Variants in ANTXR2 observed in about 807,000 individuals in gnomAD.
The protein encoded by ANTXR2 is anthrax toxin receptor 2.
In ANTXR2, 44 loss-of-function variants were observed where a neutral mutation model predicts 73.7. That is an observed-to-expected ratio of 0.60 (90% CI 0.47 to 0.77). ANTXR2 has a LOEUF of 0.77. Ranked by LOEUF, ANTXR2 falls within the 30% of genes least tolerant of loss-of-function variation. The probability of loss-of-function intolerance (pLI) is 0.00; values close to 1 mark genes in which losing one functional copy is unlikely to be tolerated. For missense variants in ANTXR2, 604 were observed against 592.5 expected (o/e 1.02, Z -0.20); for synonymous variants, 217 against 205.9 (o/e 1.05, Z -0.46).
At chr4:79,972,945 G>A (rs1339070108) in intron 16 of ANTXR2, among the ~76,000 whole-genome samples, 1 of 119,580 alleles carries the variant, frequency 8.4e-6, no homozygotes, top group East Asian at 2.1e-4. Context: ...AAAAAGAATA[G>A]GGCGTCCGAA....
intron 16 of ANTXR2, among the ~76,000 whole-genome samples, chr4:79,927,122 G>A (rs775890463): frequency 5.3e-5 from 8 of 150,410 alleles, no homozygotes; most frequent in African/African-American, 1.5e-4. Flanking sequence ...TGGCATTTAC[G>A]ACAACAGATG....
intron 10 of ANTXR2, among the ~76,000 whole-genome samples, chr4:80,031,228 A>G (rs1477680974): frequency 1.3e-5 from 2 of 151,890 alleles, no homozygotes; most frequent in Admixed American, 6.6e-5. Flanking sequence ...TACTATAGTA[A>G]TTATTGAAAA....
intron 7 of ANTXR2, 63 bp from the exon 8 acceptor site, chr4:80,036,095 T>C (rs1732945652): frequency 3.8e-6 from 5 of 1,324,610 alleles, no homozygotes; most frequent in Non-Finnish European, 4.1e-6. Context: ...GTGAAGTAAA[T>C]TATAAGATTA....
intron 16 of ANTXR2, among the ~76,000 whole-genome samples, chr4:79,974,477 C>T (rs76102569): frequency 0.08 from 12,156 of 151,986 alleles, 648 homozygotes; most frequent in Non-Finnish European, 0.12. Flanking sequence ...TAATAAAAGT[C>T]AATTATATTT....
intron 13 of ANTXR2, 68 bp downstream of exon 13, chr4:79,984,751 A>C (rs1730036358): frequency 1.5e-6 from 2 of 1,337,560 alleles, no homozygotes; most frequent in Non-Finnish European, 2.1e-6. Context: ...AAATTGATTA[A>C]ATTTGGGCAT....
At chr4:80,005,118 TGAA>T (rs1731243115) in intron 12 of ANTXR2, among the ~76,000 whole-genome samples, 1 of 152,150 alleles carries the variant, frequency 6.6e-6, no homozygotes, top group Non-Finnish European at 1.5e-5. Context: ...AATGACTGAA[TGAA>T]GAATATGTGA....
At chr4:80,056,229 T>C (rs1000992151) in intron 3 of ANTXR2, among the ~76,000 whole-genome samples, 6 of 151,954 alleles carry the variant, frequency 3.9e-5, no homozygotes, top group Non-Finnish European at 7.4e-5. Flanking sequence ...TAGACATTGA[T>C]GTGCTAACAA....
chr4:79,911,968 TTAACAA>T (rs1370304168), intron 16 of ANTXR2, among the ~76,000 whole-genome samples: 1 of 151,900 alleles, frequency 6.6e-6, no homozygotes, highest in East Asian at 1.9e-4. Flanking sequence ...ATCATAAACT[TTAACAA>T]TAACAACATT....
chr4:79,963,449 G>A (rs978043276), intron 16 of ANTXR2, among the ~76,000 whole-genome samples: 1 of 152,070 alleles, frequency 6.6e-6, no homozygotes, highest in Admixed American at 6.5e-5. Context: ...AGCAATCGCC[G>A]TCAATCATTT....
rs1726809997 is a variant in ANTXR2, at chr4:79,903,957, A to G, written c.*3472T>C. Reference sequence around the variant, plus strand: ...AATGCTAGTAAAAGCTAACCAATATACAATATATGCATGGAGTAGGAAGTT... The same window carrying G: ...AATGCTAGTAAAAGCTAACCAATATGCAATATATGCATGGAGTAGGAAGTT... On this transcript the variant is annotated 3_prime_UTR_variant, in exon 17 of 17. Transcript: ENST00000403729. The G allele has an allele frequency of 6.6e-6, 1 of 152,296 alleles. No homozygotes were observed. The allele number at this position is 152,296 out of a possible 1,614,324, so 9.4% of individuals were successfully genotyped here.
At position 80,001,986 on chromosome 4, in the gene ANTXR2, A is replaced by T. The variant is rs371636439; in HGVS notation, c.1041+6535T>A. On this transcript the variant is annotated intron_variant, in intron 12 of 16. Transcript: ENST00000403729. ...TTTCCTGAAAATGGCCATACTGCCC[A>T]AGGTAATTTATAGATTCAATGCCAT... Among the ~76,000 whole-genome samples, 4 of 152,058 alleles carry T rather than the reference A, an allele frequency of 2.6e-5. No homozygotes were observed. In the East Asian group the frequency reaches 7.7e-4, roughly 29 times the overall value.
rs1043441371 is a variant in ANTXR2, at chr4:79,984,714, A to T, written c.1086+105T>A. On this transcript the variant is annotated intron_variant, in intron 13 of 16. Transcript: ENST00000403729. ...TTTGTATAAATTAAAAAGTCAGTAC[A>T]TAGGTATCATAGTTATCTAACAGAC... 1.4e-5 allele frequency: 13 copies of T among 946,648 alleles called. No individual in the cohort carries two copies. In the African/African-American group the frequency reaches 2.0e-4, roughly 14 times the overall value. 58.6% of individuals were successfully genotyped at this position (946,648 alleles called of 1,614,324 possible).
chr4:80,013,877 A>G (rs1011609577), intron 11 of ANTXR2, among the ~76,000 whole-genome samples: 1 of 152,230 alleles, frequency 6.6e-6, no homozygotes, highest in Non-Finnish European at 1.5e-5. Context: ...AATTACTGTC[A>G]ACCTGAAAAA....
intron 12 of ANTXR2, among the ~76,000 whole-genome samples, chr4:80,005,481 A>G (rs950030237): frequency 1.3e-5 from 2 of 152,128 alleles, no homozygotes; most frequent in Non-Finnish European, 2.9e-5. Flanking sequence ...TCACATCCTA[A>G]TTTCAGCATT....
Position 79,903,614 on chromosome 4 carries a change from G to A in ANTXR2, c.*3815C>T, listed in dbSNP as rs1726797876. ...TCGACTGAATTAGATTCCAGTAGGT[G>A]TGGAAATATATTAAAGTGTTCTCAG... On this transcript the variant is annotated 3_prime_UTR_variant, in exon 17 of 17. Coordinates refer to ENST00000403729, the MANE Select transcript of ANTXR2 (RefSeq NM_058172.6). 6.6e-6 allele frequency: 1 copy of A among 152,218 alleles called. No homozygotes were observed. The highest frequency in any genetic ancestry group is 1.9e-4 in the East Asian group (1 of 5,188). 9.4% of individuals were successfully genotyped at this position (152,218 alleles called of 1,614,324 possible). A position where few individuals can be genotyped will look rare whatever the true frequency, so the allele number is the denominator to read the frequency against.
At chr4:79,978,209 T>C (rs778309599) in intron 14 of ANTXR2, 35 bp from the exon 15 acceptor site, 3 of 1,600,588 alleles carry the variant, frequency 1.9e-6, no homozygotes, top group South Asian at 2.2e-5. Context: ...TTATCAGACA[T>C]AAAGTGTCCT....
intron 16 of ANTXR2, among the ~76,000 whole-genome samples, chr4:79,933,345 A>C (rs1170572642): frequency 6.6e-6 from 1 of 152,212 alleles, no homozygotes; most frequent in Non-Finnish European, 1.5e-5. Context: ...GTCCTTCAGA[A>C]ACTTTTGCAA....
intron 1 of ANTXR2, 105 bp from the exon 2 acceptor site, chr4:80,071,759 C>T: frequency 1.1e-6 from 1 of 899,388 alleles, no homozygotes; most frequent in East Asian, 2.5e-5. Context: ...GGGCACCTGG[C>T]CTCTTTTTCA....
chr4:79,921,326 A>C (rs1017531484), intron 16 of ANTXR2, among the ~76,000 whole-genome samples: 2 of 152,014 alleles, frequency 1.3e-5, no homozygotes, highest in Non-Finnish European at 2.9e-5. Context: ...TGATACATTG[A>C]TTTATTCCTA....
Sources: allele counts gnomAD v4.1 joint callset (sites outside exome capture counted in the v4.1 genomes callset), GRCh38; gene constraint gnomAD v4.1.1; transcripts MANE v1.5; gene names NCBI Gene and HGNC (gene_info 2026-07-23, HGNC 2026-07-21).